Variants in P4HA1 observed in about 807,000 individuals in gnomAD.
The protein encoded by P4HA1 is prolyl 4-hydroxylase subunit alpha 1.
Under a neutral mutation model 72.8 loss-of-function variants are expected in P4HA1, and 24 were observed. The observed-to-expected ratio is 0.33, with a 90% confidence interval of 0.24 to 0.46. The LOEUF is 0.46. P4HA1 is among the 20% of genes least tolerant of loss of function. The pLI, the probability that P4HA1 is intolerant of heterozygous loss-of-function variation, is 1.00. For synonymous variants in P4HA1, 201 were observed against 218.8 expected (o/e 0.92, Z 0.72); for missense variants, 446 against 640.6 (o/e 0.70, Z 3.28).
chr10:73,057,499 A>AT (rs1380915098), intron 5 of P4HA1, among the ~76,000 whole-genome samples: 1 of 152,050 alleles, frequency 6.6e-6, no homozygotes. Context: ...CTTAAAAAAA[A>AT]CAAAAACAAA....
At chr10:73,093,907 T>TATATATATATATATATATATAC (rs1256283876) in intron 1 of P4HA1, among the ~76,000 whole-genome samples, 1 of 55,614 alleles carries the variant, frequency 1.8e-5, no homozygotes. Flanking sequence ...TATATATATA[T>TATATATATATATATATATATAC]ACACACACAC....
At chr10:73,057,120 A>T (rs188607916) in intron 5 of P4HA1, among the ~76,000 whole-genome samples, 41 of 152,202 alleles carry the variant, frequency 2.7e-4, no homozygotes, top group Admixed American at 2.3e-3. Flanking sequence ...TCCAGCAGAG[A>T]GAGCTGAATA....
chr10:73,021,608 G>C (rs1170379196), intron 10 of P4HA1, among the ~76,000 whole-genome samples: 1 of 152,164 alleles, frequency 6.6e-6, no homozygotes, highest in Non-Finnish European at 1.5e-5. Context: ...ATTTCCAACT[G>C]AGGTACCTGG....
chr10:73,009,241 T>C (rs1839859135), intron 14 of P4HA1, among the ~76,000 whole-genome samples: 1 of 152,180 alleles, frequency 6.6e-6, no homozygotes, highest in Admixed American at 6.5e-5. Flanking sequence ...AATTAATAGA[T>C]ATTAAAACTA....
Position 73,050,097 on chromosome 10 carries a change from C to T in P4HA1, c.900+956G>A, listed in dbSNP as rs138609691. Reference sequence around the variant, plus strand: ...ACAAGAATTGCTTGAACCCAGGAGGCGGAGGTTGCAGTGAGCCGAGACTGC... The same window carrying T: ...ACAAGAATTGCTTGAACCCAGGAGGTGGAGGTTGCAGTGAGCCGAGACTGC... On this transcript the variant is annotated intron_variant, in intron 7 of 14. Coordinates refer to ENST00000394890, the MANE Select transcript of P4HA1 (RefSeq NM_001017962.3). Among the ~76,000 whole-genome samples, 1,425 of 149,846 alleles carry T rather than the reference C, an allele frequency of 9.5e-3. 32 individuals are homozygous for T. The highest frequency in any genetic ancestry group is 0.032 in the African/African-American group (1,315 of 40,690).
At position 73,094,572 on chromosome 10, in the gene P4HA1, T is replaced by C. The variant is rs539215144; in HGVS notation, c.-33+2194A>G. Among the ~76,000 whole-genome samples the C allele has an allele frequency of 5.3e-5, 8 of 152,346 alleles. No homozygotes were observed. In the East Asian group the frequency reaches 1.4e-3, roughly 26 times the overall value. On this transcript the variant is annotated intron_variant, in intron 1 of 14. Transcript: ENST00000394890. Reference sequence around the variant, plus strand: ...AGAGCAATAATTATATCCTAGTTGATAACTGGTTGCTAAGTAAAATAAAGC... The same window carrying C: ...AGAGCAATAATTATATCCTAGTTGACAACTGGTTGCTAAGTAAAATAAAGC...
chr10:73,053,854 A>C (rs1841074030), intron 5 of P4HA1, among the ~76,000 whole-genome samples: 1 of 152,212 alleles, frequency 6.6e-6, no homozygotes, highest in Non-Finnish European at 1.5e-5. Context: ...CCAAAATGAA[A>C]CATCCATTAA....
intron 5 of P4HA1, among the ~76,000 whole-genome samples, chr10:73,056,508 T>C (rs1344551873): frequency 6.6e-6 from 1 of 152,056 alleles, no homozygotes; most frequent in Non-Finnish European, 1.5e-5. Context: ...GGCGGGTGCC[T>C]GTAATCCCAG....
rs71021545 is a variant in P4HA1, at chr10:73,037,571, ATTTT to A, written c.1149-7205_1149-7202del. Among the ~76,000 whole-genome samples, 229 of 30,560 alleles carry A rather than the reference ATTTT, an allele frequency of 7.5e-3. 1 individual carries two copies. Among genetic ancestry groups the A allele is most frequent in the African/African-American group, 0.02 (159 of 7,880 alleles). 20.0% of individuals were successfully genotyped at this position (30,560 alleles called of 152,430 possible). ...TATATATATATATATATATATATAT[ATTTT>A]TTTTTTTTTTTTTTTACAAAGGCAA... On this transcript the variant is annotated intron_variant, in intron 9 of 14. Coordinates refer to ENST00000394890, the MANE Select transcript of P4HA1 (RefSeq NM_001017962.3).
intron 10 of P4HA1, among the ~76,000 whole-genome samples, chr10:73,019,919 A>G (rs1840096511): frequency 6.6e-6 from 1 of 152,066 alleles, no homozygotes. Context: ...CTGGGACACC[A>G]TTAAACATTT....
chr10:73,093,875 T>A (rs1440606965), intron 1 of P4HA1, among the ~76,000 whole-genome samples: 1,691 of 36,140 alleles, frequency 0.047, 58 homozygotes, highest in African/African-American at 0.15. Context: ...AAAAAAAAAA[T>A]ATATATATAT....
intron 1 of P4HA1, among the ~76,000 whole-genome samples, chr10:73,091,899 G>A (rs1002004185): frequency 6.6e-6 from 1 of 152,204 alleles, no homozygotes; most frequent in African/African-American, 2.4e-5. Flanking sequence ...ACTCAGGTCA[G>A]AGTAGAATAC....
At chr10:73,046,114 C>T (rs1840856606) in intron 8 of P4HA1, among the ~76,000 whole-genome samples, 1 of 152,028 alleles carries the variant, frequency 6.6e-6, no homozygotes, top group Admixed American at 6.6e-5. Flanking sequence ...AATGGCAGAA[C>T]TAAATAGTCA....
chr10:73,041,287 G>C (rs935207409), intron 9 of P4HA1, among the ~76,000 whole-genome samples: 13 of 152,132 alleles, frequency 8.5e-5, no homozygotes, highest in African/African-American at 3.1e-4. Flanking sequence ...GCTCATGCTT[G>C]TAATCCCAGC....
intron 12 of P4HA1, among the ~76,000 whole-genome samples, chr10:73,013,570 G>A (rs768852444): frequency 9.2e-5 from 14 of 152,204 alleles, no homozygotes; most frequent in South Asian, 2.1e-4. Flanking sequence ...GATACATTAA[G>A]AAAATCGTTG....
At position 73,041,285 on chromosome 10, in the gene P4HA1, T is replaced by C. The variant is rs140643065; in HGVS notation, c.1148+3696A>G. Among the ~76,000 whole-genome samples the C allele has an allele frequency of 3.4e-4, 52 of 152,164 alleles. 1 individual carries two copies. The East Asian group carries it at 9.9e-3, about 29-fold the overall frequency. ...GTCTAGGCCAGGCACGGGCTCATGC[T>C]TGTAATCCCAGCACTTTGGGAGGCC... On this transcript the variant is annotated intron_variant, in intron 9 of 14. Transcript: ENST00000394890.
chr10:73,026,210 A>G (rs934679716), intron 10 of P4HA1, among the ~76,000 whole-genome samples: 4 of 152,206 alleles, frequency 2.6e-5, no homozygotes, highest in Non-Finnish European at 5.9e-5. Flanking sequence ...AAACTATACT[A>G]CAAGGCTACA....
intron 11 of P4HA1, 81 bp downstream of exon 11, chr10:73,016,765 A>G (rs1020664428): frequency 8.7e-6 from 9 of 1,036,788 alleles, no homozygotes; most frequent in Non-Finnish European, 1.2e-5. Flanking sequence ...TGACAGAGTG[A>G]GACTGTTTTT....
chr10:73,036,845 T>G (rs559237921), intron 9 of P4HA1, among the ~76,000 whole-genome samples: 1 of 152,324 alleles, frequency 6.6e-6, no homozygotes, highest in Non-Finnish European at 1.5e-5. Context: ...GAATTTACAT[T>G]GTAACATTAC....
Sources: gnomAD v4.1 joint callset for allele counts (sites outside exome capture counted in the v4.1 genomes callset) on GRCh38, gnomAD v4.1.1 for gene constraint, MANE v1.5 for transcripts, NCBI Gene and HGNC (gene_info 2026-07-23, HGNC 2026-07-21) for gene names.